Variants in MRPS7 observed in about 807,000 individuals in gnomAD.
MRPS7 encodes mitochondrial ribosomal protein S7.
In MRPS7, 13 loss-of-function variants were observed where a neutral mutation model predicts 26.2. The ratio of observed to expected loss-of-function variants is 0.50; its 90% confidence interval spans 0.32 to 0.79. The LOEUF (loss-of-function observed/expected upper bound fraction) is 0.79. MRPS7 is among the 30% of genes least tolerant of loss of function. The probability of loss-of-function intolerance (pLI) is 0.03; values close to 1 mark genes in which losing one functional copy is unlikely to be tolerated. For synonymous variants in MRPS7, 129 were observed against 113.3 expected (o/e 1.14, Z -0.88); for missense variants, 318 against 312.2 (o/e 1.02, Z -0.14).
At chr17:75,262,140 GT>G in intron 1 of MRPS7, 157 bp downstream of exon 1, 1 of 866,766 alleles carries the variant, frequency 1.2e-6, no homozygotes, top group Non-Finnish European at 1.7e-6. Flanking sequence ...CAATCCGAAG[GT>G]TTAGTGACTA....
rs1484684294 is a variant in MRPS7 at position 75,262,594 on chromosome 17, G to A, written c.181G>A (p.Glu61Lys). The stretch of plus-strand genomic sequence containing the variant: ...CAAGCCAGTGGAGGAGCTAACTGAG[G>A]AGGAGAAATATGTTCGGGAGCTCAA... ...YRKPVEELTE[E>K]EKYVRELKKT... Residue 61 changes from glutamate (E) to lysine (K), a missense_variant, in exon 2 of 5, where the codon GAG becomes AAG. By Grantham distance (56) the Glu-to-Lys change is moderately conservative. Coordinates refer to ENST00000245539, the MANE Select transcript of MRPS7 (RefSeq NM_015971.4). The A allele has an allele frequency of 3.1e-6, 5 of 1,614,164 alleles. No individual in the cohort carries two copies. Among genetic ancestry groups the A allele is most frequent in the South Asian group, 2.2e-5 (2 of 91,090 alleles).
intron 4 of MRPS7, chr17:75,264,295 C>T (rs2077453211): frequency 6.6e-6 from 1 of 152,108 alleles, no homozygotes; most frequent in African/African-American, 2.4e-5. Context: ...TCTGGGAGCC[C>T]ACCTCCCTTC....
rs1242541711 is a variant in MRPS7 at position 75,266,322 on chromosome 17, CTT to C, written c.*400_*401del. Reference sequence around the variant, plus strand: ...AGTGAAACTGGCTGGAGGAAATAGGCTTGTTTCCAGAGTTGTCCTTATACAAA... The same window carrying C: ...AGTGAAACTGGCTGGAGGAAATAGGCGTTTCCAGAGTTGTCCTTATACAAA... On this transcript the variant is annotated 3_prime_UTR_variant, in exon 5 of 5. Transcript: ENST00000245539. The C allele has an allele frequency of 2.8e-6, 1 of 351,544 alleles. No homozygotes were observed. 21.8% of individuals were successfully genotyped at this position (351,544 alleles called of 1,614,324 possible). A position where few individuals can be genotyped will look rare whatever the true frequency, so the allele number is the denominator to read the frequency against.
At chr17:75,262,347 A>G (rs769111022) in intron 1 of MRPS7, 150 bp from the exon 2 acceptor site, 1 of 849,300 alleles carries the variant, frequency 1.2e-6, no homozygotes, top group South Asian at 1.6e-5. Flanking sequence ...ACTTGGGACA[A>G]GGGCCTGAAT....
intron 1 of MRPS7, chr17:75,262,281 C>A: frequency 1.5e-6 from 1 of 656,180 alleles, no homozygotes; most frequent in Middle Eastern, 2.6e-4. Context: ...CCCATCCTTA[C>A]CGTTAGCACT....
chr17:75,262,790 T>A lies in MRPS7; in HGVS notation c.276-14T>A. 6.2e-7 allele frequency: 1 copy of A among 1,614,106 alleles called. No individual in the cohort carries two copies. The highest frequency in any genetic ancestry group is 1.3e-5 in the African/African-American group (1 of 75,014). ...AGCCTTGGAGAGCTAAACGTGTTGC[T>A]TTTCTCTTTGAAGTAAATTCACCAA... On this transcript the variant is annotated splice_polypyrimidine_tract_variant and intron_variant, in intron 2 of 4. Transcript: ENST00000245539.
intron 1 of MRPS7, 189 bp downstream of exon 1, chr17:75,262,172 G>C: frequency 1.4e-6 from 1 of 717,840 alleles, no homozygotes; most frequent in Non-Finnish European, 2.3e-6. Flanking sequence ...AAGGAGTCTG[G>C]CTGATCTAGG....
chr17:75,265,154 T>G (rs1473277753), intron 4 of MRPS7, among the ~76,000 whole-genome samples: 1 of 152,062 alleles, frequency 6.6e-6, no homozygotes, highest in Non-Finnish European at 1.5e-5. Context: ...CATTTCTACC[T>G]CAGCCTCCCA....
rs369324198 is a variant in MRPS7, at chr17:75,262,674, A to G, written c.261A>G (p.Glu87=). Residue 87 remains glutamate, a synonymous_variant, in exon 2 of 5, where the codon GAA becomes GAG. Transcript: ENST00000245539. ...CAGGGAAAACAAGTTCTGTGTTTGA[A>G]GACCCAGTCATCAGGTTAGATGGAA... ...APAGKTSSVF[E]DPVISKFTNM... is the part of the protein sequence containing the mutation. The G allele has an allele frequency of 3.1e-6, 5 of 1,614,088 alleles. No homozygotes were observed. The East Asian group carries it at 6.7e-5, about 22-fold the overall frequency.
intron 1 of MRPS7, 126 bp from the exon 2 acceptor site, chr17:75,262,371 G>A (rs2145632916): frequency 9.3e-7 from 1 of 1,074,578 alleles, no homozygotes; most frequent in South Asian, 1.5e-5. Flanking sequence ...TGTGGCTCAG[G>A]TTTAGCTCGC....
rs773321093 is a variant in MRPS7 at position 75,261,910 on chromosome 17, C to A, written c.10C>A (p.Pro4Thr). Reference protein sequence around the residue: MAAPAVKVARGWSG... With the variant: MAATAVKVARGWSG... ...CTCGTGGCCAGCCAAGATGGCTGCCCCCGCAGTGAAGGTTGCCCGAGGATG... is the reference window on the plus strand; with the variant it reads ...CTCGTGGCCAGCCAAGATGGCTGCCACCGCAGTGAAGGTTGCCCGAGGATG... The change falls in exon 1 of 5, where the codon CCC becomes ACC. Residue 4 changes from proline (P) to threonine (T), a missense_variant. Coordinates refer to ENST00000245539, the MANE Select transcript of MRPS7 (RefSeq NM_015971.4). 4 of 1,608,864 alleles carry A rather than the reference C, an allele frequency of 2.5e-6. No homozygotes were observed. The highest frequency in any genetic ancestry group is 1.7e-5 in the Admixed American group (1 of 59,962).
At chr17:75,265,064 C>T (rs552610439) in intron 4 of MRPS7, among the ~76,000 whole-genome samples, 9 of 151,308 alleles carry the variant, frequency 5.9e-5, no homozygotes, top group South Asian at 4.2e-4. Flanking sequence ...TTTTTTGAGA[C>T]GAAGTCTCGC....
rs745556197 is a variant in MRPS7 at position 75,265,920 on chromosome 17, G to A, written c.726G>A (p.Trp242Ter). ...GTGCCCTGGCCCACTACCGCTGGTG[G>A]TAGAGTCTCCAGGAGGAGCCCAGGG... ...ANRALAHYRW[W>*] is the part of the protein sequence containing the mutation. The change falls in exon 5 of 5, where the codon TGG becomes TGA. Residue 242 changes from tryptophan to a stop codon, truncating the protein, a stop_gained. Coordinates refer to ENST00000245539, the MANE Select transcript of MRPS7 (RefSeq NM_015971.4). LOFTEE classifies it high-confidence loss of function. 1 of 1,613,448 alleles carries A rather than the reference G, an allele frequency of 6.2e-7. No individual in the cohort carries two copies. Among genetic ancestry groups the A allele is most frequent in the Non-Finnish European group, 8.5e-7 (1 of 1,179,886 alleles).
At chr17:75,265,455 G>A (rs1362405348) in intron 4 of MRPS7, among the ~76,000 whole-genome samples, 2 of 152,166 alleles carry the variant, frequency 1.3e-5, no homozygotes, top group Non-Finnish European at 2.9e-5. Flanking sequence ...GATTACAGGT[G>A]TGAACCACAG....
intron 1 of MRPS7, chr17:75,262,245 A>G: frequency 1.6e-6 from 1 of 636,572 alleles, no homozygotes; most frequent in East Asian, 2.7e-5. Flanking sequence ...TCGCCTGTGA[A>G]TTGGGATGGG....
At chr17:75,262,045 G>A in intron 1 of MRPS7, 62 bp downstream of exon 1, 6 of 1,571,562 alleles carry the variant, frequency 3.8e-6, no homozygotes, top group South Asian at 1.1e-5. Context: ...CCACAGGCAG[G>A]CCGCGTGGGC....
chr17:75,263,447 G>A lies in MRPS7; in HGVS notation c.447G>A (p.Leu149=). The part of the protein sequence containing the change: ...RNPYTIFHQA[L]KNCEPMIGLV... ...CCTACACCATCTTCCATCAAGCACT[G>A]AAAAACTGTGAGCCTATGATTGGGC... is the stretch of plus-strand genomic sequence containing the variant. Residue 149 remains leucine, a synonymous_variant, in exon 4 of 5, where the codon CTG becomes CTA. Transcript: ENST00000245539. The A allele has an allele frequency of 1.2e-6, 2 of 1,614,078 alleles. No homozygotes were observed. The highest frequency in any genetic ancestry group is 1.7e-6 in the Non-Finnish European group (2 of 1,180,032).
At chr17:75,265,050 C>CT (rs1301891447) in intron 4 of MRPS7, among the ~76,000 whole-genome samples, 1 of 149,530 alleles carries the variant, frequency 6.7e-6, no homozygotes, top group African/African-American at 2.5e-5. Context: ...TTTTCTTTTT[C>CT]TTTTTTTTTG....
In MRPS7 at chr17:75,261,915, A is replaced by T. The variant is rs755596097; in HGVS notation, c.15A>T (p.Ala5=). Residue 5 remains alanine, a synonymous_variant, in exon 1 of 5, where the codon GCA becomes GCT. Coordinates refer to ENST00000245539, the MANE Select transcript of MRPS7 (RefSeq NM_015971.4). MAAP[A]VKVARGWSGL... The stretch of plus-strand genomic sequence containing the variant: ...GGCCAGCCAAGATGGCTGCCCCCGC[A>T]GTGAAGGTTGCCCGAGGATGGTCGG... 3.7e-6 allele frequency: 6 copies of T among 1,608,924 alleles called. No homozygotes were observed. The Admixed American group carries it at 8.3e-5, about 22-fold the overall frequency.
Sources: gnomAD v4.1 joint callset for allele counts (sites outside exome capture counted in the v4.1 genomes callset) on GRCh38, gnomAD v4.1.1 for gene constraint, MANE v1.5 for transcripts, NCBI Gene and HGNC (gene_info 2026-07-23, HGNC 2026-07-21) for gene names.